PLCL1: variants seen among roughly 807,000 people sequenced by gnomAD.
PLCL1 encodes phospholipase C like 1 (inactive), also known as inactive phospholipase C-like protein 1.
PLCL1 carries 41 observed loss-of-function variants against 84.4 expected under a neutral mutation model. The ratio of observed to expected loss-of-function variants is 0.49; its 90% confidence interval spans 0.38 to 0.63. The LOEUF (loss-of-function observed/expected upper bound fraction) is 0.63. Ranked by LOEUF, PLCL1 falls within the 30% of genes least tolerant of loss-of-function variation. The probability of loss-of-function intolerance (pLI) is 0.00; values close to 1 mark genes in which losing one functional copy is unlikely to be tolerated. For synonymous variants in PLCL1, 490 were observed against 488.3 expected (o/e 1.00, Z -0.05); for missense variants, 1,206 against 1,367.8 (o/e 0.88, Z 1.87).
intron 3 of PLCL1, among the ~76,000 whole-genome samples, chr2:198,093,393 G>C (rs1693100743): frequency 6.6e-6 from 1 of 152,184 alleles, no homozygotes; most frequent in Non-Finnish European, 1.5e-5. Context: ...GGTGGGGGTA[G>C]AGTTAGAGGG....
chr2:198,108,382 T>C (rs1693540003), intron 5 of PLCL1, among the ~76,000 whole-genome samples: 1 of 151,852 alleles, frequency 6.6e-6, no homozygotes, highest in Non-Finnish European at 1.5e-5. Context: ...TGGTTAAATG[T>C]GTTGGTTTGT....
chr2:197,831,495 T>G (rs1691060022), intron 1 of PLCL1, among the ~76,000 whole-genome samples: 1 of 152,032 alleles, frequency 6.6e-6, no homozygotes, highest in Admixed American at 6.6e-5. Flanking sequence ...ATGCACCCAA[T>G]ACAGGAGCAC....
chr2:197,945,908 G>C (rs759355361), intron 1 of PLCL1, among the ~76,000 whole-genome samples: 6 of 152,040 alleles, frequency 3.9e-5, no homozygotes, highest in Non-Finnish European at 8.8e-5. Flanking sequence ...AGTAATATAT[G>C]TATATGTACA....
At chr2:197,808,988 C>T (rs528614889) in intron 1 of PLCL1, among the ~76,000 whole-genome samples, 1 of 152,182 alleles carries the variant, frequency 6.6e-6, no homozygotes, top group African/African-American at 2.4e-5. Flanking sequence ...GGAGCAGCTA[C>T]TTGGGTGTTG....
chr2:197,903,323 C>G (rs1442719660), intron 1 of PLCL1, among the ~76,000 whole-genome samples: 1 of 152,064 alleles, frequency 6.6e-6, no homozygotes, highest in African/African-American at 2.4e-5. Context: ...ATAAAAGCAG[C>G]TGATGAGCCC....
intron 4 of PLCL1, among the ~76,000 whole-genome samples, chr2:198,102,556 T>G (rs1208790460): frequency 1.3e-5 from 2 of 152,092 alleles, no homozygotes; most frequent in African/African-American, 4.8e-5. Flanking sequence ...AAGCCCATTT[T>G]GAGTACAGCG....
chr2:197,978,156 A>G (rs967030604), intron 1 of PLCL1, among the ~76,000 whole-genome samples: 13 of 152,334 alleles, frequency 8.5e-5, no homozygotes, highest in African/African-American at 3.1e-4. Context: ...AGTGAAACCA[A>G]TTTTACCATA....
chr2:198,083,660 A>G (rs990265803), intron 1 of PLCL1, 98 bp from the exon 2 acceptor site: 6 of 714,232 alleles, frequency 8.4e-6, no homozygotes, highest in Non-Finnish European at 1.1e-5. Context: ...TCAAATAATC[A>G]CAATATGTGA....
intron 1 of PLCL1, among the ~76,000 whole-genome samples, chr2:197,926,947 G>A (rs1688843692): frequency 6.6e-6 from 1 of 152,164 alleles, no homozygotes; most frequent in African/African-American, 2.4e-5. Flanking sequence ...GGCAAGGGCT[G>A]CTACCTGTTA....
Position 197,805,302 on chromosome 2 carries a change from C to A in PLCL1, c.203C>A (p.Ala68Glu). 1 of 1,304,450 alleles carries A rather than the reference C, an allele frequency of 7.7e-7. No homozygotes were observed. The allele number at this position is 1,304,450 out of a possible 1,614,324, so 80.8% of individuals were successfully genotyped here. The change falls in exon 1 of 6, where the codon GCA (alanine) becomes GAA (glutamate). Residue 68 changes from alanine to glutamate, a missense_variant. Physicochemically the swap from Ala to Glu is moderately radical, Grantham distance 107. Coordinates refer to ENST00000428675, the MANE Select transcript of PLCL1 (RefSeq NM_006226.4). The surrounding 1 kb of genome is among the most constrained non-coding windows in gnomAD (Gnocchi z 4.0). ...PADSEAGLLE[A>E]ARATPRRSSI... ...GACAGCGAGGCGGGCCTCCTGGAGGCAGCACGGGCGACCCCCCGGCGCAGC... is the reference window on the plus strand; with the variant it reads ...GACAGCGAGGCGGGCCTCCTGGAGGAAGCACGGGCGACCCCCCGGCGCAGC...
chr2:198,064,112 A>G (rs1479140675), intron 1 of PLCL1, among the ~76,000 whole-genome samples: 2 of 152,192 alleles, frequency 1.3e-5, no homozygotes, highest in Non-Finnish European at 2.9e-5. Context: ...TACTGGGGAT[A>G]TCCACTCTCA....
chr2:197,918,934 C>G (rs1029087622), intron 1 of PLCL1, among the ~76,000 whole-genome samples: 18 of 142,404 alleles, frequency 1.3e-4, no homozygotes, highest in Non-Finnish European at 2.7e-4. Flanking sequence ...GACGGAGACC[C>G]TGTCTCTCTC....
In PLCL1 at chr2:197,979,156, G is replaced by T. The variant is rs147562001; in HGVS notation, c.241-104602G>T. Among the ~76,000 whole-genome samples, 537 of 152,236 alleles carry T rather than the reference G, an allele frequency of 3.5e-3. 5 individuals carry two copies. The highest frequency in any genetic ancestry group is 0.012 in the African/African-American group (511 of 41,544). Reference sequence around the variant, plus strand: ...GATCTCACGAAAGCTAATAGTATCTGTTATGGACTTAGAGGACATCCGGCT... The same window carrying T: ...GATCTCACGAAAGCTAATAGTATCTTTTATGGACTTAGAGGACATCCGGCT... On this transcript the variant is annotated intron_variant, in intron 1 of 5. Transcript: ENST00000428675.
At chr2:197,936,853 G>A (rs988244119) in intron 1 of PLCL1, among the ~76,000 whole-genome samples, 1 of 152,028 alleles carries the variant, frequency 6.6e-6, no homozygotes, top group Admixed American at 6.6e-5. Flanking sequence ...AAAAATCATT[G>A]CCTAGACCAA....
intron 1 of PLCL1, among the ~76,000 whole-genome samples, chr2:197,920,442 T>A (rs1358495331): frequency 6.6e-6 from 1 of 152,104 alleles, no homozygotes; most frequent in African/African-American, 2.4e-5. Context: ...ATTATTACTA[T>A]TTTTCTAGCT....
intron 5 of PLCL1, among the ~76,000 whole-genome samples, chr2:198,107,419 C>T (rs1693502398): frequency 6.6e-6 from 1 of 151,828 alleles, no homozygotes; most frequent in Non-Finnish European, 1.5e-5. Flanking sequence ...GTGTGATTAC[C>T]TGATAGTGGT....
intron 1 of PLCL1, among the ~76,000 whole-genome samples, chr2:197,956,537 A>C (rs1458198278): frequency 2.0e-5 from 3 of 152,210 alleles, no homozygotes; most frequent in Non-Finnish European, 4.4e-5. Flanking sequence ...ATTCCTACCA[A>C]CAGCGTAAAA....
intron 5 of PLCL1, among the ~76,000 whole-genome samples, chr2:198,138,478 A>C (rs1694309114): frequency 6.6e-6 from 1 of 152,180 alleles, no homozygotes; most frequent in Non-Finnish European, 1.5e-5. Context: ...GGGTGGGGAC[A>C]CAGAGCCAAA....
rs753076050 is a variant in PLCL1, at chr2:198,101,367, G to A, written c.2995+7G>A. On this transcript the variant is annotated splice_region_variant and intron_variant, in intron 4 of 5. Transcript: ENST00000428675. ...GTACAGTGTCAGAAAGCAGGTAATT[G>A]TTTTTAATTTTTTTTTCTGTTTTTT... 17 of 1,420,234 alleles carry A rather than the reference G, an allele frequency of 1.2e-5. No individual in the cohort carries two copies. The East Asian group carries it at 4.2e-4, about 35-fold the overall frequency. 88.0% of individuals were successfully genotyped at this position (1,420,234 alleles called of 1,614,324 possible). A position where few individuals can be genotyped will look rare whatever the true frequency, so the allele number is the denominator to read the frequency against.
Sources: allele counts gnomAD v4.1 joint callset (sites outside exome capture counted in the v4.1 genomes callset), GRCh38; gene constraint gnomAD v4.1.1; non-coding constraint Gnocchi (gnomAD v3.1); transcripts MANE v1.5; gene names NCBI Gene and HGNC (gene_info 2026-07-23, HGNC 2026-07-21).